The following RBM19 variants were observed in gnomAD, a reference collection of about 807,000 sequenced individuals.
The protein encoded by RBM19 is RNA binding motif protein 19.
RBM19 carries 94 observed loss-of-function variants against 116.8 expected under a neutral mutation model. The ratio of observed to expected loss-of-function variants is 0.80; its 90% CI spans 0.68 to 0.95. The LOEUF is 0.95. Among genes scored for constraint, RBM19 ranks in the 40% least tolerant of loss-of-function variants. The probability of loss-of-function intolerance (pLI) is 0.00; values close to 1 mark genes in which losing one functional copy is unlikely to be tolerated. For synonymous variants in RBM19, 475 were observed against 494.1 expected (o/e 0.96, Z 0.51); for missense variants, 1,161 against 1,220.7 (o/e 0.95, Z 0.73).
At chr12:113,834,272 G>T (rs2135699410) in intron 23 of RBM19, among the ~76,000 whole-genome samples, 1 of 152,292 alleles carries the variant, frequency 6.6e-6, no homozygotes, top group South Asian at 2.1e-4. Context: ...ATGAATGAAT[G>T]AATGAATGAA....
At chr12:113,913,534 A>G (rs1298031277) in intron 21 of RBM19, among the ~76,000 whole-genome samples, 1 of 152,228 alleles carries the variant, frequency 6.6e-6, no homozygotes, top group Non-Finnish European at 1.5e-5. Context: ...ACTGAATACT[A>G]GTGTATGATT....
chr12:113,893,898 T>C (rs116838206), intron 21 of RBM19, among the ~76,000 whole-genome samples: 12 of 152,342 alleles, frequency 7.9e-5, no homozygotes, highest in African/African-American at 2.9e-4. Context: ...CTGGACAGCG[T>C]AGATGGAGAG....
At chr12:113,864,095 C>T (rs1347987691) in intron 21 of RBM19, among the ~76,000 whole-genome samples, 1 of 151,996 alleles carries the variant, frequency 6.6e-6, no homozygotes, top group African/African-American at 2.4e-5. Context: ...CCCTTACCTA[C>T]CACAACAGGC....
At chr12:113,937,752 T>G (rs1409972306) in intron 15 of RBM19, among the ~76,000 whole-genome samples, 1 of 83,564 alleles carries the variant, frequency 1.2e-5, no homozygotes, top group African/African-American at 5.7e-5. Flanking sequence ...AAATCCTGCC[T>G]CTTAAAAAAA....
chr12:113,856,319 C>T (rs1033057120), intron 22 of RBM19, among the ~76,000 whole-genome samples: 3 of 152,226 alleles, frequency 2.0e-5, no homozygotes, highest in African/African-American at 7.2e-5. Context: ...CACCTGGGCA[C>T]TTGGTGAACT....
At chr12:113,844,835 G>T in intron 22 of RBM19, 47 bp from the exon 23 acceptor site, 7 of 1,548,156 alleles carry the variant, frequency 4.5e-6, no homozygotes, top group Non-Finnish European at 6.1e-6. Context: ...GGATCAGTGC[G>T]GCAGACACTC....
intron 23 of RBM19, among the ~76,000 whole-genome samples, chr12:113,836,617 C>G (rs1875913640): frequency 6.6e-6 from 1 of 152,032 alleles, no homozygotes; most frequent in African/African-American, 2.4e-5. Context: ...ACTTGGAAGG[C>G]AGGACATTAC....
chr12:113,904,796 GC>G (rs1318060482), intron 21 of RBM19, among the ~76,000 whole-genome samples: 1 of 152,194 alleles, frequency 6.6e-6, no homozygotes, highest in East Asian at 1.9e-4. Context: ...TGTGTGTGGA[GC>G]GGGGCTGTGA....
At chr12:113,939,574 C>T (rs1312461483) in intron 15 of RBM19, among the ~76,000 whole-genome samples, 1 of 151,700 alleles carries the variant, frequency 6.6e-6, no homozygotes, top group African/African-American at 2.4e-5. Context: ...ACGGTGAAAC[C>T]CCGTCTCTAC....
rs1465476672 is a variant in RBM19 at position 113,958,192 on chromosome 12, CA to C, written c.572-143del. ...CATGGCCCCTGTGCCCAGCATCCCCCATAAGTCCTCTGATTAGCAATACCAA... is the reference window on the plus strand; with the variant it reads ...CATGGCCCCTGTGCCCAGCATCCCCCTAAGTCCTCTGATTAGCAATACCAA... On this transcript the variant is annotated intron_variant, in intron 5 of 23. Transcript: ENST00000261741. 6 of 1,454,378 alleles carry C rather than the reference CA, an allele frequency of 4.1e-6. No homozygotes were observed. The African/African-American group carries it at 5.7e-5, about 14-fold the overall frequency. The allele number at this position is 1,454,378 out of a possible 1,614,324, so 90.1% of individuals were successfully genotyped here.
At chr12:113,952,464 T>A in intron 8 of RBM19, 48 bp downstream of exon 8, 1 of 1,521,934 alleles carries the variant, frequency 6.6e-7, no homozygotes, top group Non-Finnish European at 9.1e-7. Context: ...CAACCTTCAA[T>A]CTTCACTGTC....
chr12:113,860,154 A>C (rs970729796), intron 21 of RBM19, among the ~76,000 whole-genome samples: 8 of 152,348 alleles, frequency 5.3e-5, no homozygotes, highest in Non-Finnish European at 1.0e-4. Context: ...GGCACTGGTG[A>C]CAAGGCCAGC....
intron 16 of RBM19, among the ~76,000 whole-genome samples, chr12:113,935,622 G>C (rs970273392): frequency 6.6e-6 from 1 of 152,238 alleles, no homozygotes; most frequent in African/African-American, 2.4e-5. Flanking sequence ...CAGGCCTCCA[G>C]ACAGGCACTT....
intron 21 of RBM19, among the ~76,000 whole-genome samples, chr12:113,863,245 C>T (rs1333993314): frequency 2.9e-5 from 4 of 139,670 alleles, no homozygotes; most frequent in South Asian, 2.4e-4. Flanking sequence ...GTGGGGCCAG[C>T]GTATGGGTGG....
intron 18 of RBM19, 138 bp downstream of exon 18, chr12:113,924,559 C>A: frequency 1.3e-6 from 1 of 789,316 alleles, no homozygotes; most frequent in Non-Finnish European, 2.2e-6. Flanking sequence ...CTGAGGCTGA[C>A]CATGCTTCAG....
At chr12:113,957,752 T>C in intron 6 of RBM19, 30 bp downstream of exon 6, 25 of 1,539,166 alleles carry the variant, frequency 1.6e-5, no homozygotes, top group Non-Finnish European at 2.2e-5. Flanking sequence ...GCGCACCTCC[T>C]CCCTCATCAC....
Position 113,826,526 on chromosome 12 carries a change from C to G in RBM19, c.2786-3205G>C, listed in dbSNP as rs7298129. Among the ~76,000 whole-genome samples the G allele has an allele frequency of 9.4e-3, 1,428 of 152,338 alleles. 23 individuals carry two copies. Among genetic ancestry groups the G allele is most frequent in the African/African-American group, 0.033 (1,368 of 41,574 alleles). Reference sequence around the variant, plus strand: ...TCAGAGCCTTCATCCATGCTCTCATCCCCTCACATGACGGAGACACCTGCA... The same window carrying G: ...TCAGAGCCTTCATCCATGCTCTCATGCCCTCACATGACGGAGACACCTGCA... On this transcript the variant is annotated intron_variant, in intron 23 of 23. Coordinates refer to ENST00000261741, the MANE Select transcript of RBM19 (RefSeq NM_016196.4).
intron 8 of RBM19, among the ~76,000 whole-genome samples, chr12:113,950,449 C>G (rs1032303339): frequency 6.6e-6 from 1 of 152,172 alleles, no homozygotes; most frequent in African/African-American, 2.4e-5. Context: ...CCCCATCCCC[C>G]GACTGGCACC....
At chr12:113,927,631 G>C (rs1366512820) in intron 16 of RBM19, among the ~76,000 whole-genome samples, 2 of 149,254 alleles carry the variant, frequency 1.3e-5, no homozygotes, top group Non-Finnish European at 3.0e-5. Flanking sequence ...AGCACTTAGT[G>C]AACTTTCAAA....
Sources: allele counts gnomAD v4.1 joint callset (sites outside exome capture counted in the v4.1 genomes callset), GRCh38; gene constraint gnomAD v4.1.1; transcripts MANE v1.5; gene names NCBI Gene and HGNC (gene_info 2026-07-23, HGNC 2026-07-21).